IGF1R: variants seen among roughly 807,000 people sequenced by gnomAD.
IGF1R encodes insulin-like growth factor 1 receptor.
In IGF1R, 44 loss-of-function variants were observed where a neutral mutation model predicts 144.6. The observed-to-expected ratio is 0.30, with a 90% CI of 0.24 to 0.39. The LOEUF (loss-of-function observed/expected upper bound fraction) is 0.39, where lower values mean the gene tolerates loss of function less well. Ranked by LOEUF, IGF1R falls within the 10% of genes least tolerant of loss-of-function variation. IGF1R has a pLI of 1.00. For synonymous variants in IGF1R, 795 were observed against 722.8 expected (o/e 1.10, Z -1.60); for missense variants, 1,355 against 1,833.7 (o/e 0.74, Z 4.77).
intron 8 of IGF1R, among the ~76,000 whole-genome samples, chr15:98,914,580 A>G (rs1017718379): frequency 2.0e-5 from 3 of 152,214 alleles, no homozygotes; most frequent in Non-Finnish European, 2.9e-5. Flanking sequence ...GCAGAGGTTC[A>G]GTGCAACAGA....
intron 2 of IGF1R, among the ~76,000 whole-genome samples, chr15:98,773,352 G>A (rs577602909): frequency 3.3e-5 from 5 of 152,172 alleles, no homozygotes; most frequent in Non-Finnish European, 5.9e-5. Context: ...ATTAATGAAG[G>A]TCAAGGCATC....
chr15:98,652,012 T>C (rs1193614427), intron 1 of IGF1R, among the ~76,000 whole-genome samples: 3 of 151,412 alleles, frequency 2.0e-5, no homozygotes, highest in Non-Finnish European at 4.4e-5. Context: ...TCAGCTGTTG[T>C]CTGGTGGAGA....
intron 1 of IGF1R, among the ~76,000 whole-genome samples, chr15:98,701,556 G>A (rs1406960753): frequency 6.6e-6 from 1 of 151,976 alleles, no homozygotes; most frequent in Non-Finnish European, 1.5e-5. Context: ...TAGCCAGGAT[G>A]GTCTTGATCT....
At chr15:98,757,033 T>A (rs1329068354) in intron 2 of IGF1R, among the ~76,000 whole-genome samples, 2 of 152,254 alleles carry the variant, frequency 1.3e-5, no homozygotes, top group East Asian at 3.8e-4. Context: ...TAAAAAATTA[T>A]GCCCTTGGTA....
chr15:98,865,402 T>C (rs886268492), intron 2 of IGF1R, among the ~76,000 whole-genome samples: 2 of 152,228 alleles, frequency 1.3e-5, no homozygotes, highest in Admixed American at 6.5e-5. Context: ...AAACGCCGCC[T>C]GGATCGCTGG....
chr15:98,878,660 A>G (rs1218221087), intron 2 of IGF1R, among the ~76,000 whole-genome samples: 3 of 111,756 alleles, frequency 2.7e-5, no homozygotes, highest in African/African-American at 3.6e-5. Context: ...TTTGTGAAAG[A>G]CTCAAAAAAA....
chr15:98,812,868 A>T (rs970437901), intron 2 of IGF1R, among the ~76,000 whole-genome samples: 5 of 152,112 alleles, frequency 3.3e-5, no homozygotes, highest in African/African-American at 1.2e-4. Flanking sequence ...ACTCCAGAGG[A>T]GCTGCCTTCA....
chr15:98,850,426 T>TGG (rs201361369), intron 2 of IGF1R, among the ~76,000 whole-genome samples: 1 of 151,744 alleles, frequency 6.6e-6, no homozygotes, highest in African/African-American at 2.4e-5. Flanking sequence ...TGCAGACACC[T>TGG]GGGGGGGGCA....
At chr15:98,763,325 CT>C (rs1205581932) in intron 2 of IGF1R, among the ~76,000 whole-genome samples, 4 of 152,074 alleles carry the variant, frequency 2.6e-5, no homozygotes, top group Non-Finnish European at 5.9e-5. Context: ...TTCCACTTTC[CT>C]TTTGTTAATT....
At chr15:98,755,039 CAA>C (rs886442834) in intron 2 of IGF1R, among the ~76,000 whole-genome samples, 19 of 152,184 alleles carry the variant, frequency 1.2e-4, no homozygotes, top group Non-Finnish European at 2.1e-4. Flanking sequence ...TTAATAAAAA[CAA>C]AAAGTGATGC....
intron 5 of IGF1R, among the ~76,000 whole-genome samples, chr15:98,907,452 T>C (rs2014787698): frequency 6.6e-6 from 1 of 152,180 alleles, no homozygotes; most frequent in Admixed American, 6.5e-5. Context: ...TTCTCCTTTG[T>C]GTGTTTATAC....
At chr15:98,885,301 G>A (rs2013585015) in intron 2 of IGF1R, among the ~76,000 whole-genome samples, 1 of 152,196 alleles carries the variant, frequency 6.6e-6, no homozygotes, top group African/African-American at 2.4e-5. Context: ...AGTCCTTTCT[G>A]GAGAAGAATG....
At chr15:98,820,270 T>G (rs1258277413) in intron 2 of IGF1R, among the ~76,000 whole-genome samples, 13 of 152,302 alleles carry the variant, frequency 8.5e-5, no homozygotes, top group Non-Finnish European at 1.3e-4. Flanking sequence ...CGTAGGTAAT[T>G]TCATATCCTA....
At position 98,957,525 on chromosome 15, in the gene IGF1R, A is replaced by G. The variant is rs2017054250; in HGVS notation, c.*83A>G. On this transcript the variant is annotated 3_prime_UTR_variant, in exon 21 of 21. Coordinates refer to ENST00000650285, the MANE Select transcript of IGF1R (RefSeq NM_000875.5). ...GGGGGAGAGAGAGTTTTAACAATCC[A>G]TTCACAAGCCTCCTGTACCTCAGTG... 3 of 1,569,758 alleles carry G rather than the reference A, an allele frequency of 1.9e-6. No individual in the cohort carries two copies. The highest frequency in any genetic ancestry group is 2.2e-5 in the East Asian group (1 of 44,540).
At chr15:98,765,103 A>T (rs2055402676) in intron 2 of IGF1R, among the ~76,000 whole-genome samples, 1 of 152,116 alleles carries the variant, frequency 6.6e-6, no homozygotes, top group South Asian at 2.1e-4. Context: ...ACTTAGCATA[A>T]TATTTTTAAG....
intron 15 of IGF1R, among the ~76,000 whole-genome samples, chr15:98,933,332 ATATT>A (rs924425153): frequency 2.0e-5 from 3 of 151,944 alleles, no homozygotes; most frequent in Middle Eastern, 3.4e-3. Context: ...CTGCATAGAA[ATATT>A]TATTTATTCA....
intron 15 of IGF1R, among the ~76,000 whole-genome samples, chr15:98,932,297 G>T (rs7162336): frequency 2.0e-5 from 3 of 152,126 alleles, no homozygotes; most frequent in Non-Finnish European, 2.9e-5. Flanking sequence ...CAGTTTCCTC[G>T]AGGGGCAACA....
chr15:98,674,811 T>A (rs1035679438), intron 1 of IGF1R, among the ~76,000 whole-genome samples: 1 of 152,108 alleles, frequency 6.6e-6, no homozygotes, highest in Non-Finnish European at 1.5e-5. Flanking sequence ...CCTAGACTTA[T>A]ATGTGTATCT....
chr15:98,883,231 T>C (rs28592133), intron 2 of IGF1R, among the ~76,000 whole-genome samples: 13,350 of 152,300 alleles, frequency 0.088, 1,207 homozygotes, highest in African/African-American at 0.22. Flanking sequence ...ACATAATGGC[T>C]GCAGCTCCAG....
Sources: gnomAD v4.1 joint callset for allele counts (sites outside exome capture counted in the v4.1 genomes callset) on GRCh38, gnomAD v4.1.1 for gene constraint, MANE v1.5 for transcripts, NCBI Gene and HGNC (gene_info 2026-07-23, HGNC 2026-07-21) for gene names.